Variants in PRKCE observed in about 807,000 individuals in gnomAD.
PRKCE encodes protein kinase C epsilon type.
PRKCE carries 16 observed loss-of-function variants against 85.4 expected under a neutral mutation model. The ratio of observed to expected loss-of-function variants is 0.19; its 90% CI spans 0.13 to 0.28. PRKCE has a LOEUF of 0.28. Ranked by LOEUF, PRKCE falls within the 10% of genes least tolerant of loss-of-function variation. The pLI is 1.00. For missense variants in PRKCE, 573 were observed against 975.2 expected, an observed-to-expected ratio of 0.59 and a Z score of 5.49; for synonymous variants, 388 against 371.5, an observed-to-expected ratio of 1.04 and a Z score of -0.51.
chr2:45,805,577 T>G (rs1688178096), intron 1 of PRKCE, among the ~76,000 whole-genome samples: 1 of 151,530 alleles, frequency 6.6e-6, no homozygotes, highest in South Asian at 2.1e-4. Flanking sequence ...TGCTAAGTAT[T>G]TGCATACATT....
intron 1 of PRKCE, among the ~76,000 whole-genome samples, chr2:45,831,821 C>G (rs1380298720): frequency 6.6e-6 from 1 of 152,060 alleles, no homozygotes; most frequent in African/African-American, 2.4e-5. Flanking sequence ...AGACATGTAG[C>G]TTTTGGTTTC....
intron 9 of PRKCE, among the ~76,000 whole-genome samples, chr2:46,008,190 C>G (rs2104781212): frequency 6.6e-6 from 1 of 152,268 alleles, no homozygotes; most frequent in South Asian, 2.1e-4. Context: ...TTACACGTGG[C>G]AAGAAAATGG....
chr2:46,025,662 A>T (rs1345735299), intron 10 of PRKCE, among the ~76,000 whole-genome samples: 1 of 152,178 alleles, frequency 6.6e-6, no homozygotes, highest in Non-Finnish European at 1.5e-5. Context: ...TCGCTGTCTC[A>T]TAAGGGACTT....
chr2:45,842,548 G>A (rs542187700), intron 1 of PRKCE, among the ~76,000 whole-genome samples: 1 of 152,264 alleles, frequency 6.6e-6, no homozygotes, highest in East Asian at 1.9e-4. Flanking sequence ...TGGAATTTGG[G>A]CACAATTTCC....
rs1397789635 is a variant in PRKCE, at chr2:45,697,782, C to T, written c.348+45334C>T. On this transcript the variant is annotated intron_variant, in intron 1 of 14. Coordinates refer to ENST00000306156, the MANE Select transcript of PRKCE (RefSeq NM_005400.3). This position sits in a 1 kb window ranked among gnomAD's most constrained non-coding sequence, Gnocchi z 4.2. Reference sequence around the variant, plus strand: ...AGACTGAAAGGACAGACTACCTCTGCTGACCACCCCAATTTCCAGCAAGCT... The same window carrying T: ...AGACTGAAAGGACAGACTACCTCTGTTGACCACCCCAATTTCCAGCAAGCT... Among the ~76,000 whole-genome samples the T allele has an allele frequency of 6.6e-6, 1 of 152,230 alleles. No homozygotes were observed. The highest frequency in any genetic ancestry group is 2.4e-5 in the African/African-American group (1 of 41,470).
At chr2:46,126,778 A>T (rs1673910336) in intron 11 of PRKCE, among the ~76,000 whole-genome samples, 1 of 152,114 alleles carries the variant, frequency 6.6e-6, no homozygotes, top group Non-Finnish European at 1.5e-5. Flanking sequence ...GGGAGGGTGA[A>T]TGCTACCGTC....
intron 2 of PRKCE, among the ~76,000 whole-genome samples, chr2:45,875,583 AG>A (rs1252259859): frequency 6.6e-6 from 1 of 152,178 alleles, no homozygotes; most frequent in Admixed American, 6.5e-5. Context: ...TGTATAGAAG[AG>A]GGATTGAGTT....
intron 11 of PRKCE, among the ~76,000 whole-genome samples, chr2:46,116,585 A>G (rs948765672): frequency 6.6e-6 from 1 of 152,158 alleles, no homozygotes; most frequent in Non-Finnish European, 1.5e-5. Context: ...ACTGAAATCA[A>G]GTGGGTCCTT....
At chr2:45,938,301 A>G (rs749607866) in intron 2 of PRKCE, among the ~76,000 whole-genome samples, 12 of 152,262 alleles carry the variant, frequency 7.9e-5, no homozygotes, top group Non-Finnish European at 1.3e-4. Context: ...TGGCAATTCA[A>G]TGCATCTTGT....
rs182998655 is a variant in PRKCE, at chr2:46,079,101, C to T, written c.1438-7107C>T. On this transcript the variant is annotated intron_variant, in intron 10 of 14. Coordinates refer to ENST00000306156, the MANE Select transcript of PRKCE (RefSeq NM_005400.3). ...CTGAGGCAGGAGAATTGCTTGAACC[C>T]GAAGGTGGAGACTGCAGTGAGCTGA... Among the ~76,000 whole-genome samples the T allele has an allele frequency of 6.0e-5, 9 of 149,118 alleles. No homozygotes were observed. The South Asian group carries it at 8.4e-4, about 14-fold the overall frequency.
At chr2:46,153,511 C>G (rs1208503607) in intron 13 of PRKCE, among the ~76,000 whole-genome samples, 1 of 152,170 alleles carries the variant, frequency 6.6e-6, no homozygotes, top group Non-Finnish European at 1.5e-5. Flanking sequence ...ATGGGGTGCT[C>G]TTGAGTCTGG....
At chr2:45,938,731 A>AAAT (rs67796781) in intron 2 of PRKCE, among the ~76,000 whole-genome samples, 1 of 64,258 alleles carries the variant, frequency 1.6e-5, no homozygotes, top group African/African-American at 4.9e-5. Context: ...CAAAGTAAAC[A>AAAT]AATGTGCAAG....
At chr2:45,984,268 A>G (rs1484620990) in intron 5 of PRKCE, among the ~76,000 whole-genome samples, 1 of 152,068 alleles carries the variant, frequency 6.6e-6, no homozygotes, top group African/African-American at 2.4e-5. Context: ...CTGTACTATG[A>G]TTGCTTAAAG....
intron 1 of PRKCE, among the ~76,000 whole-genome samples, chr2:45,730,538 C>T (rs113974755): frequency 0.026 from 3,921 of 151,030 alleles, 79 homozygotes; most frequent in Middle Eastern, 0.058. Context: ...CGGCTCACTG[C>T]GACTTCTGCC....
chr2:45,843,835 A>G (rs758994473), intron 2 of PRKCE, among the ~76,000 whole-genome samples: 2 of 152,198 alleles, frequency 1.3e-5, no homozygotes, highest in African/African-American at 2.4e-5. Flanking sequence ...CTACTCCTCC[A>G]TCTGTGGGCA....
intron 1 of PRKCE, among the ~76,000 whole-genome samples, chr2:45,835,390 C>T (rs1407863978): frequency 6.6e-6 from 1 of 152,184 alleles, no homozygotes; most frequent in Non-Finnish European, 1.5e-5. Flanking sequence ...AGAGAAAACT[C>T]CCGTCACCCA....
rs1675166036 is a variant in PRKCE at position 46,138,034 on chromosome 2, C to CTA, written c.1593-7057_1593-7056dup. Among the ~76,000 whole-genome samples, 1 of 152,194 alleles carries CTA rather than the reference C, an allele frequency of 6.6e-6. No homozygotes were observed. Among genetic ancestry groups the CTA allele is most frequent in the African/African-American group, 2.4e-5 (1 of 41,450 alleles). ...CAAACTTTTTGTTTTTCCCCTGAGA[C>CTA]TATTACTGCTAGGACTTATTTCTTT... is the stretch of plus-strand genomic sequence containing the variant. On this transcript the variant is annotated intron_variant, in intron 11 of 14. Coordinates refer to ENST00000306156, the MANE Select transcript of PRKCE (RefSeq NM_005400.3). This position sits in a 1 kb window ranked among gnomAD's most constrained non-coding sequence, Gnocchi z 4.2.
chr2:46,165,662 T>C (rs1015405788), intron 14 of PRKCE, among the ~76,000 whole-genome samples: 1 of 152,188 alleles, frequency 6.6e-6, no homozygotes, highest in East Asian at 1.9e-4. Context: ...CAGAGCGATG[T>C]GTTTGGTGTG....
intron 7 of PRKCE, among the ~76,000 whole-genome samples, chr2:46,002,201 G>T (rs551434054): frequency 5.3e-5 from 8 of 152,206 alleles, no homozygotes; most frequent in Non-Finnish European, 1.2e-4. Context: ...CATTTCATTT[G>T]TAGGCTCTTC....
Sources: allele counts gnomAD v4.1 joint callset (sites outside exome capture counted in the v4.1 genomes callset), GRCh38; gene constraint gnomAD v4.1.1; non-coding constraint Gnocchi (gnomAD v3.1); transcripts MANE v1.5; gene names NCBI Gene and HGNC (gene_info 2026-07-23, HGNC 2026-07-21).